The following GCH1 variants were observed in gnomAD, a reference collection of about 807,000 sequenced individuals.
GCH1 encodes the protein GTP cyclohydrolase I.
In GCH1, 5 loss-of-function variants were observed where a neutral mutation model predicts 25.9. The ratio of observed to expected loss-of-function variants is 0.19; its 90% CI spans 0.10 to 0.41. The LOEUF is 0.41. Among genes scored for constraint, GCH1 ranks in the 10% least tolerant of loss-of-function variants. The probability of loss-of-function intolerance (pLI) is 1.00; values close to 1 mark genes in which losing one functional copy is unlikely to be tolerated. For missense variants in GCH1, 261 were observed against 336.5 expected (o/e 0.78, Z 1.75); for synonymous variants, 159 against 129.6 (o/e 1.23, Z -1.54).
chr14:54,869,783 T>C (rs980063896), intron 1 of GCH1, among the ~76,000 whole-genome samples: 8 of 152,116 alleles, frequency 5.3e-5, no homozygotes, highest in African/African-American at 2.4e-5. Context: ...CCTGGCCCAA[T>C]AAAAAGTTTT....
At chr14:54,862,313 G>C (rs1302038319) in intron 2 of GCH1, among the ~76,000 whole-genome samples, 1 of 151,372 alleles carries the variant, frequency 6.6e-6, no homozygotes, top group Non-Finnish European at 1.5e-5. Flanking sequence ...TTACAGGCAT[G>C]AGCCACCTCA....
intron 1 of GCH1, among the ~76,000 whole-genome samples, chr14:54,899,502 G>T (rs538216194): frequency 6.6e-6 from 1 of 152,008 alleles, no homozygotes; most frequent in Non-Finnish European, 1.5e-5. Context: ...TAAATGGTCC[G>T]CTCCATGGAC....
At chr14:54,845,304 C>A (rs946358646) in intron 5 of GCH1, among the ~76,000 whole-genome samples, 1 of 147,834 alleles carries the variant, frequency 6.8e-6, no homozygotes, top group African/African-American at 2.5e-5. Context: ...ATGATGAAAC[C>A]CCATCTCTAT....
chr14:54,891,921 T>C (rs12885400), intron 1 of GCH1, among the ~76,000 whole-genome samples: 7,329 of 152,306 alleles, frequency 0.048, 255 homozygotes, highest in Non-Finnish European at 0.077. Context: ...TACTTAACAA[T>C]GGCCCTAAAC....
At chr14:54,876,031 TAA>T (rs2040154324) in intron 1 of GCH1, among the ~76,000 whole-genome samples, 1 of 152,124 alleles carries the variant, frequency 6.6e-6, no homozygotes, top group African/African-American at 2.4e-5. Context: ...CATGCTACTA[TAA>T]AGACACATGC....
Position 54,886,668 on chromosome 14 carries a change from C to T in GCH1, c.343+15653G>A, listed in dbSNP as rs779340354. Among the ~76,000 whole-genome samples the T allele has an allele frequency of 2.6e-5, 4 of 152,254 alleles. No individual in the cohort carries two copies. The East Asian group carries it at 5.8e-4, about 22-fold the overall frequency. The stretch of plus-strand genomic sequence containing the variant: ...ATTGTCCCGACTTTACAGATGAGGA[C>T]ACAGATACTGTCATTTGGAAACACT... On this transcript the variant is annotated intron_variant, in intron 1 of 5. Coordinates refer to ENST00000491895, the MANE Select transcript of GCH1 (RefSeq NM_000161.3).
At chr14:54,880,390 T>C (rs961257390) in intron 1 of GCH1, among the ~76,000 whole-genome samples, 1 of 141,980 alleles carries the variant, frequency 7.0e-6, no homozygotes, top group African/African-American at 2.6e-5. Flanking sequence ...TAATATAATA[T>C]ATATTATATA....
In GCH1 at chr14:54,871,494, C is replaced by T. The variant is rs368711340; in HGVS notation, c.344-6058G>A. On this transcript the variant is annotated intron_variant, in intron 1 of 5. Transcript: ENST00000491895. ...TCACCAGCAACGGAACAAAGCCAGACGGAGAATGACTTTGACGAATTGAGA... is the reference window on the plus strand; with the variant it reads ...TCACCAGCAACGGAACAAAGCCAGATGGAGAATGACTTTGACGAATTGAGA... Among the ~76,000 whole-genome samples the T allele has an allele frequency of 1.6e-4, 25 of 152,262 alleles. No homozygotes were observed. The South Asian group carries it at 1.7e-3, about 10-fold the overall frequency.
chr14:54,843,652 G>C lies in GCH1; in HGVS notation c.*365C>G. On this transcript the variant is annotated 3_prime_UTR_variant, in exon 6 of 6. Transcript: ENST00000491895. ...GAAAAAAAACAGTATACTGGGCACA[G>C]TTCCCTCTCATTCCCAATGCTCCTA... 7 of 1,561,906 alleles carry C rather than the reference G, an allele frequency of 4.5e-6. No individual in the cohort carries two copies. The highest frequency in any genetic ancestry group is 5.2e-6 in the Non-Finnish European group (6 of 1,159,170).
At chr14:54,865,241 C>T in intron 2 of GCH1, 86 bp downstream of exon 2, 2 of 687,546 alleles carry the variant, frequency 2.9e-6, no homozygotes, top group Middle Eastern at 7.7e-4. Context: ...CAGCAATTGG[C>T]AGCTAAAAAT....
At position 54,846,540 on chromosome 14, in the gene GCH1, C is replaced by T. The variant is rs184818735; in HGVS notation, c.541+559G>A. Among the ~76,000 whole-genome samples, 3 of 152,214 alleles carry T rather than the reference C, an allele frequency of 2.0e-5. No individual in the cohort carries two copies. In the East Asian group the frequency reaches 5.8e-4, roughly 29 times the overall value. On this transcript the variant is annotated intron_variant, in intron 4 of 5. Coordinates refer to ENST00000491895, the MANE Select transcript of GCH1 (RefSeq NM_000161.3). ...AAAAAAAGCAGGGAAAAAAGCAAGG[C>T]TGATTATGTATAAAATGAGCCCATT...
chr14:54,869,575 G>A (rs1052944129), intron 1 of GCH1, among the ~76,000 whole-genome samples: 1 of 152,152 alleles, frequency 6.6e-6, no homozygotes, highest in Non-Finnish European at 1.5e-5. Context: ...CTGCCTCCCA[G>A]GTTCAAGTAA....
chr14:54,888,313 C>A (rs998259), intron 1 of GCH1, among the ~76,000 whole-genome samples: 1 of 151,958 alleles, frequency 6.6e-6, no homozygotes, highest in East Asian at 1.9e-4. Context: ...ACAGAGTGAG[C>A]GATGACAATT....
intron 2 of GCH1, among the ~76,000 whole-genome samples, chr14:54,864,038 T>C (rs1396578369): frequency 1.3e-5 from 2 of 152,058 alleles, no homozygotes; most frequent in African/African-American, 2.4e-5. Context: ...TTTATTTTTA[T>C]CTTGGTAGAG....
Position 54,867,230 on chromosome 14 carries a change from C to T in GCH1, c.344-1794G>A, listed in dbSNP as rs539045043. Among the ~76,000 whole-genome samples, 7 of 152,282 alleles carry T rather than the reference C, an allele frequency of 4.6e-5. No homozygotes were observed. In the East Asian group the frequency reaches 1.4e-3, roughly 29 times the overall value. Reference sequence around the variant, plus strand: ...GGCAAAGAATGAGAGCGTCCCCATCCTAAGCTCTGACGACAACCATATGGC... The same window carrying T: ...GGCAAAGAATGAGAGCGTCCCCATCTTAAGCTCTGACGACAACCATATGGC... On this transcript the variant is annotated intron_variant, in intron 1 of 5. Coordinates refer to ENST00000491895, the MANE Select transcript of GCH1 (RefSeq NM_000161.3).
At chr14:54,855,113 T>C (rs531897035) in intron 3 of GCH1, among the ~76,000 whole-genome samples, 23 of 152,342 alleles carry the variant, frequency 1.5e-4, no homozygotes, top group Admixed American at 1.2e-3. Flanking sequence ...GTTAAATGAA[T>C]TGTATTAATC....
intron 1 of GCH1, among the ~76,000 whole-genome samples, chr14:54,870,874 C>T (rs1293396156): frequency 6.6e-6 from 1 of 152,220 alleles, no homozygotes; most frequent in African/African-American, 2.4e-5. Context: ...GTGGAGCCCA[C>T]CGCAGCTCAA....
At chr14:54,894,695 TG>T (rs1205562169) in intron 1 of GCH1, among the ~76,000 whole-genome samples, 1 of 152,220 alleles carries the variant, frequency 6.6e-6, no homozygotes. Flanking sequence ...ACTTCTTAAC[TG>T]TTTTATTCCA....
At chr14:54,895,019 AAGTTGT>A (rs1471330539) in intron 1 of GCH1, among the ~76,000 whole-genome samples, 1 of 152,204 alleles carries the variant, frequency 6.6e-6, no homozygotes, top group African/African-American at 2.4e-5. Flanking sequence ...CACATCTTAG[AAGTTGT>A]TAAAATTCTT....
Sources: allele counts gnomAD v4.1 joint callset (sites outside exome capture counted in the v4.1 genomes callset), GRCh38; gene constraint gnomAD v4.1.1; transcripts MANE v1.5; gene names NCBI Gene and HGNC (gene_info 2026-07-23, HGNC 2026-07-21).